Variants in ASTN2 observed in about 807,000 individuals in gnomAD.
ASTN2 encodes the protein astrotactin-2.
A neutral mutation model predicts 139.8 loss-of-function variants in ASTN2; 54 were observed. That is an observed-to-expected ratio of 0.39 (90% CI 0.31 to 0.48). The LOEUF is 0.48. Ranked by LOEUF, ASTN2 falls within the 20% of genes least tolerant of loss-of-function variation. The pLI is 0.95. For synonymous variants in ASTN2, 756 were observed against 719.5 expected (o/e 1.05, Z -0.81); for missense variants, 1,565 against 1,725.1 (o/e 0.91, Z 1.64).
chr9:116,502,775 G>A (rs11789559), intron 19 of ASTN2, among the ~76,000 whole-genome samples: 121 of 117,396 alleles, frequency 1.0e-3, no homozygotes, highest in South Asian at 2.7e-3. Flanking sequence ...AGGAAGGAAG[G>A]AAGATGGAAG....
intron 3 of ASTN2, among the ~76,000 whole-genome samples, chr9:117,156,335 G>A (rs1305747830): frequency 6.6e-6 from 1 of 152,044 alleles, no homozygotes; most frequent in East Asian, 1.9e-4. Flanking sequence ...CTCTTTAACA[G>A]ATGGGAAAAC....
At chr9:117,022,830 G>A in intron 6 of ASTN2, among the ~76,000 whole-genome samples, 1 of 152,112 alleles carries the variant, frequency 6.6e-6, no homozygotes, top group East Asian at 1.9e-4. Context: ...AGTGGGCAGT[G>A]GGCAGTGGGC....
At chr9:116,660,277 C>CTCAGAGAG (rs1214111576) in intron 16 of ASTN2, among the ~76,000 whole-genome samples, 1 of 151,658 alleles carries the variant, frequency 6.6e-6, no homozygotes, top group Non-Finnish European at 1.5e-5. Context: ...ACTGCCAAAC[C>CTCAGAGAG]CTAGGACAAC....
chr9:117,354,783 C>T (rs1033517347), intron 1 of ASTN2, among the ~76,000 whole-genome samples: 11 of 152,100 alleles, frequency 7.2e-5, no homozygotes, highest in African/African-American at 1.2e-4. Flanking sequence ...ATCTCTTCCC[C>T]GTACTAGAAC....
At chr9:116,685,130 C>T (rs1361401777) in intron 16 of ASTN2, among the ~76,000 whole-genome samples, 1 of 152,180 alleles carries the variant, frequency 6.6e-6, no homozygotes, top group Non-Finnish European at 1.5e-5. Context: ...GAGATCAGTG[C>T]TTGAGATATT....
intron 21 of ASTN2, among the ~76,000 whole-genome samples, chr9:116,441,451 T>C (rs1489533769): frequency 1.3e-5 from 2 of 151,866 alleles, no homozygotes; most frequent in Non-Finnish European, 1.5e-5. Context: ...AGAGTAAAAA[T>C]GGGAGGAACA....
intron 1 of ASTN2, among the ~76,000 whole-genome samples, chr9:117,371,350 T>C (rs1829985505): frequency 6.6e-6 from 1 of 152,192 alleles, no homozygotes; most frequent in Non-Finnish European, 1.5e-5. Flanking sequence ...ATTTTTAATA[T>C]GGTAACATCC....
At chr9:116,796,726 TA>T (rs1408301504) in intron 13 of ASTN2, among the ~76,000 whole-genome samples, 2 of 152,296 alleles carry the variant, frequency 1.3e-5, no homozygotes, top group African/African-American at 2.4e-5. Context: ...GCAAGATAAA[TA>T]AGTTCTGGAG....
At chr9:116,662,896 A>C (rs905578051) in intron 16 of ASTN2, among the ~76,000 whole-genome samples, 1 of 152,200 alleles carries the variant, frequency 6.6e-6, no homozygotes, top group African/African-American at 2.4e-5. Context: ...AGAGTTTCCG[A>C]GAAGTGACAG....
Position 117,028,391 on chromosome 9 carries a change from C to G in ASTN2, c.1423+11428G>C, listed in dbSNP as rs567508359. On this transcript the variant is annotated intron_variant, in intron 6 of 22. Coordinates refer to ENST00000313400, the MANE Select transcript of ASTN2 (RefSeq NM_001365068.1). ...TGTGCTGGGGAGAAAAGCCAAATAG[C>G]AAGGCTTTGCTGGGTAGCAGCGCTG... 5.9e-5 allele frequency among the ~76,000 whole-genome samples: 9 copies of G among 152,282 alleles called. No individual in the cohort carries two copies. In the South Asian group the frequency reaches 1.7e-3, roughly 28 times the overall value.
intron 19 of ASTN2, among the ~76,000 whole-genome samples, chr9:116,580,109 C>A (rs752692808): frequency 6.6e-6 from 1 of 152,172 alleles, no homozygotes; most frequent in Admixed American, 6.5e-5. Context: ...CGTGAGCCCC[C>A]GCACCCGGCC....
chr9:116,474,314 G>A (rs1848910278), intron 20 of ASTN2, among the ~76,000 whole-genome samples: 1 of 152,132 alleles, frequency 6.6e-6, no homozygotes, highest in African/African-American at 2.4e-5. Flanking sequence ...TCTCCTCCCT[G>A]GGCTTTAGTT....
At chr9:117,241,864 T>C (rs1469619829) in intron 2 of ASTN2, among the ~76,000 whole-genome samples, 2 of 151,828 alleles carry the variant, frequency 1.3e-5, no homozygotes, top group Non-Finnish European at 2.9e-5. Context: ...AAGTATCTGC[T>C]ACTGAAATTC....
At chr9:116,883,129 G>A (rs1251199691) in intron 10 of ASTN2, among the ~76,000 whole-genome samples, 1 of 152,190 alleles carries the variant, frequency 6.6e-6, no homozygotes, top group African/African-American at 2.4e-5. Context: ...AAATGAAAAT[G>A]TTCTACATAT....
chr9:116,775,602 AGGG>A, intron 13 of ASTN2, among the ~76,000 whole-genome samples: 5 of 76,858 alleles, frequency 6.5e-5, no homozygotes, highest in African/African-American at 2.0e-4. Context: ...GGAGGGAGGG[AGGG>A]AAAGAAGGAA....
At chr9:116,689,137 A>G (rs1403118959) in intron 16 of ASTN2, among the ~76,000 whole-genome samples, 1 of 152,178 alleles carries the variant, frequency 6.6e-6, no homozygotes, top group Non-Finnish European at 1.5e-5. Context: ...TATCCTGCCT[A>G]AAATGTCAGT....
At chr9:117,229,435 G>A (rs955963598) in intron 2 of ASTN2, among the ~76,000 whole-genome samples, 3 of 152,138 alleles carry the variant, frequency 2.0e-5, no homozygotes, top group Non-Finnish European at 4.4e-5. Context: ...ACCCAAGACT[G>A]GGCAGTCTCC....
At position 116,755,188 on chromosome 9, in the gene ASTN2, G is replaced by C. The variant is rs138743425; in HGVS notation, c.2397-21665C>G. On this transcript the variant is annotated intron_variant, in intron 13 of 22. Coordinates refer to ENST00000313400, the MANE Select transcript of ASTN2 (RefSeq NM_001365068.1). ...CAATGATAGGCTAAATAATGACCTT[G>C]AAAGATATTCAGGTTCTAATTCCTG... Among the ~76,000 whole-genome samples the C allele has an allele frequency of 0.011, 1,694 of 152,274 alleles. 69 individuals carry two copies. In the South Asian group the frequency reaches 0.16, roughly 15 times the overall value.
chr9:116,910,051 A>C (rs1452819425), intron 10 of ASTN2, among the ~76,000 whole-genome samples: 1 of 147,662 alleles, frequency 6.8e-6, no homozygotes, highest in Non-Finnish European at 1.5e-5. Context: ...TTGAGGGGAG[A>C]AATTGCAGGA....
Sources: gnomAD v4.1 joint callset for allele counts (sites outside exome capture counted in the v4.1 genomes callset) on GRCh38, gnomAD v4.1.1 for gene constraint, MANE v1.5 for transcripts, NCBI Gene and HGNC (gene_info 2026-07-23, HGNC 2026-07-21) for gene names.